The following EIF4ENIF1 variants were observed in gnomAD, a reference collection of about 807,000 sequenced individuals.
The protein encoded by EIF4ENIF1 is eukaryotic translation initiation factor 4E transporter.
Under a neutral mutation model 110.5 loss-of-function variants are expected in EIF4ENIF1, and 23 were observed. The ratio of observed to expected loss-of-function variants is 0.21; its 90% CI spans 0.15 to 0.29. The LOEUF (loss-of-function observed/expected upper bound fraction) is 0.29. Ranked by LOEUF, EIF4ENIF1 falls within the 10% of genes least tolerant of loss-of-function variation. The pLI, the probability that EIF4ENIF1 is intolerant of heterozygous loss-of-function variation, is 1.00. For missense variants in EIF4ENIF1, 1,031 were observed against 1,221.1 expected (o/e 0.84, Z 2.32); for synonymous variants, 440 against 437.0 (o/e 1.01, Z -0.09).
At chr22:31,450,765 T>C (rs1402626827) in intron 10 of EIF4ENIF1, 2 of 250,598 alleles carry the variant, frequency 8.0e-6, no homozygotes, top group Non-Finnish European at 1.6e-5. Context: ...CATACATATA[T>C]ACATACATAT....
Position 31,440,801 on chromosome 22 carries a change from G to A in EIF4ENIF1, c.2619C>T (p.Pro873=). Residue 873 remains proline (P), a synonymous_variant, in exon 18 of 19, where the codon CCC becomes CCT. Coordinates refer to ENST00000330125, the MANE Select transcript of EIF4ENIF1 (RefSeq NM_019843.4). ...GACTAGCAGCAGGTAAAGGGTAAAA[G>A]GGCTGACCCAGGATGGGGCCAGATA... ...QGISGPILGQ[P]FYPLPAASHP... is the part of the protein sequence containing the mutation. 1 of 1,613,978 alleles carries A rather than the reference G, an allele frequency of 6.2e-7. No homozygotes were observed. The highest frequency in any genetic ancestry group is 8.5e-7 in the Non-Finnish European group (1 of 1,179,880).
rs1053590118 is a variant in EIF4ENIF1, at chr22:31,481,672, C to T, written c.96+6951G>A. Among the ~76,000 whole-genome samples the T allele has an allele frequency of 3.3e-5, 5 of 152,252 alleles. No individual in the cohort carries two copies. The South Asian group carries it at 1.0e-3, about 32-fold the overall frequency. ...TTGGCTTCAAGTCTTCTGATTATAT[C>T]CAAGAAGGCTAGGATGACTCAAGTC... is the stretch of plus-strand genomic sequence containing the variant. On this transcript the variant is annotated intron_variant, in intron 2 of 18. Transcript: ENST00000330125.
intron 2 of EIF4ENIF1, among the ~76,000 whole-genome samples, chr22:31,487,271 T>C (rs1180915782): frequency 6.6e-6 from 1 of 152,220 alleles, no homozygotes; most frequent in Non-Finnish European, 1.5e-5. Flanking sequence ...CATGCTGTCA[T>C]ACCAAAACAG....
intron 6 of EIF4ENIF1, among the ~76,000 whole-genome samples, chr22:31,460,622 C>A (rs546142060): frequency 2.0e-3 from 294 of 149,442 alleles, no homozygotes; most frequent in Non-Finnish European, 3.5e-3. Context: ...GAGCGAGACT[C>A]CGTCTCAAAA....
At chr22:31,477,815 A>T (rs557431561) in intron 2 of EIF4ENIF1, among the ~76,000 whole-genome samples, 7 of 152,214 alleles carry the variant, frequency 4.6e-5, no homozygotes, top group Non-Finnish European at 7.4e-5. Flanking sequence ...TGGGTTGTAA[A>T]AGTGGCAGGG....
chr22:31,440,233 G>A (rs1417567288), intron 18 of EIF4ENIF1, 112 bp from the exon 19 acceptor site: 2 of 1,477,558 alleles, frequency 1.4e-6, no homozygotes, highest in African/African-American at 1.4e-5. Flanking sequence ...TTTTTTCTAG[G>A]GCTTCTTTAG....
chr22:31,484,982 C>A (rs2051964061), intron 2 of EIF4ENIF1, among the ~76,000 whole-genome samples: 1 of 152,174 alleles, frequency 6.6e-6, no homozygotes, highest in Non-Finnish European at 1.5e-5. Flanking sequence ...GAATATTATT[C>A]CAGTTGTGGA....
At chr22:31,466,450 C>T (rs1601613625) in intron 4 of EIF4ENIF1, among the ~76,000 whole-genome samples, 1 of 150,318 alleles carries the variant, frequency 6.7e-6, no homozygotes, top group African/African-American at 2.5e-5. Context: ...CACGGTGGAA[C>T]GTGTATGTGT....
intron 2 of EIF4ENIF1, among the ~76,000 whole-genome samples, chr22:31,482,609 G>A (rs1416434767): frequency 1.3e-5 from 2 of 151,636 alleles, no homozygotes; most frequent in African/African-American, 4.9e-5. Context: ...TTGAACCTGG[G>A]AAGCAGAGGT....
In EIF4ENIF1 at chr22:31,442,011, A is replaced by G; in HGVS notation, c.2314T>C (p.Ser772Pro). 6.2e-7 allele frequency: 1 copy of G among 1,614,166 alleles called. No individual in the cohort carries two copies. Among genetic ancestry groups the G allele is most frequent in the Non-Finnish European group, 8.5e-7 (1 of 1,180,032 alleles). Residue 772 changes from serine to proline, a missense_variant, in exon 17 of 19, where the codon TCC becomes CCC. By Grantham distance (74) the Ser-to-Pro change is moderately conservative. This residue lies in a region of EIF4ENIF1 where 309 missense variants were observed against 299.1 expected (regional missense o/e 1.03). Transcript: ENST00000330125. ...LQRSSCSTPL[S>P]QANRYTKEQD... ...TCTTTGGTGTAACGGTTGGCCTGGG[A>G]CAGTGGGGTGGAACACGAAGACCTC...
At chr22:31,470,878 AG>A (rs2051352285) in intron 3 of EIF4ENIF1, among the ~76,000 whole-genome samples, 1 of 151,196 alleles carries the variant, frequency 6.6e-6, no homozygotes, top group Admixed American at 6.6e-5. Context: ...TGTGCGTGGT[AG>A]TGGGTGCCTG....
At chr22:31,464,363 CCA>C (rs2051100718) in intron 4 of EIF4ENIF1, among the ~76,000 whole-genome samples, 2 of 152,060 alleles carry the variant, frequency 1.3e-5, no homozygotes, top group Admixed American at 1.3e-4. Flanking sequence ...GGTTAGATAT[CCA>C]CAGACAAAGA....
chr22:31,489,575 C>A (rs2052184587), intron 1 of EIF4ENIF1, 119 bp downstream of exon 1: 1 of 147,934 alleles, frequency 6.8e-6, no homozygotes, highest in South Asian at 2.1e-4. Context: ...CCTGCGGGCG[C>A]CCCGGCGCCC....
chr22:31,452,658 A>G (rs1472380011), intron 10 of EIF4ENIF1, among the ~76,000 whole-genome samples: 1 of 152,206 alleles, frequency 6.6e-6, no homozygotes, highest in Non-Finnish European at 1.5e-5. Flanking sequence ...TCAGCACCCA[A>G]TCACCAAGAC....
Position 31,451,757 on chromosome 22 carries a change from G to C in EIF4ENIF1, c.1513-1397C>G, listed in dbSNP as rs572154576. Among the ~76,000 whole-genome samples the C allele has an allele frequency of 2.0e-5, 3 of 151,470 alleles. No individual in the cohort carries two copies. In the East Asian group the frequency reaches 5.8e-4, roughly 29 times the overall value. The stretch of plus-strand genomic sequence containing the variant: ...CCCTCCCACCTTGGCCTCCCACGTA[G>C]CTCGAACTATAGGTGTACACCACCA... On this transcript the variant is annotated intron_variant, in intron 10 of 18. Coordinates refer to ENST00000330125, the MANE Select transcript of EIF4ENIF1 (RefSeq NM_019843.4).
intron 3 of EIF4ENIF1, among the ~76,000 whole-genome samples, chr22:31,470,680 T>C (rs2051343813): frequency 6.7e-6 from 1 of 149,024 alleles, no homozygotes; most frequent in African/African-American, 2.5e-5. Context: ...CCTGGTTAAA[T>C]AGGACTTTTT....
chr22:31,457,420 T>C (rs1200082700), intron 7 of EIF4ENIF1, among the ~76,000 whole-genome samples: 2 of 152,194 alleles, frequency 1.3e-5, no homozygotes, highest in Non-Finnish European at 2.9e-5. Flanking sequence ...TTCTTATCAA[T>C]ATTTAGAAAA....
At chr22:31,478,766 A>G (rs889099644) in intron 2 of EIF4ENIF1, among the ~76,000 whole-genome samples, 2 of 151,626 alleles carry the variant, frequency 1.3e-5, no homozygotes, top group African/African-American at 4.8e-5. Flanking sequence ...CCTGGCTAAC[A>G]TGGTGAAACC....
At position 31,463,062 on chromosome 22, in the gene EIF4ENIF1, T is replaced by G. The variant is rs372211414; in HGVS notation, c.657A>C (p.Pro219=). ...RRNDSYTEEE[P]EWFSAGPTSQ... The stretch of plus-strand genomic sequence containing the variant: ...TTGTGGGTCCAGCAGAGAACCACTC[T>G]GGTTCTTCTTCTGTGTAAGAATCAT... Residue 219 remains proline, a synonymous_variant, in exon 6 of 19, where the codon CCA becomes CCC. Coordinates refer to ENST00000330125, the MANE Select transcript of EIF4ENIF1 (RefSeq NM_019843.4). 1 of 1,614,110 alleles carries G rather than the reference T, an allele frequency of 6.2e-7. No individual in the cohort carries two copies. Among genetic ancestry groups the G allele is most frequent in the Non-Finnish European group, 8.5e-7 (1 of 1,180,050 alleles).
Sources: allele counts gnomAD v4.1 joint callset (sites outside exome capture counted in the v4.1 genomes callset), GRCh38; gene constraint gnomAD v4.1.1; regional missense constraint gnomAD v4.1.1; transcripts MANE v1.5; gene names NCBI Gene and HGNC (gene_info 2026-07-23, HGNC 2026-07-21).